POU2F2: variants seen among roughly 807,000 people sequenced by gnomAD.
The protein encoded by POU2F2 is POU class 2 homeobox 2.
A neutral mutation model predicts 63.5 loss-of-function variants in POU2F2; 14 were observed. The observed-to-expected ratio is 0.22, with a 90% confidence interval of 0.15 to 0.34. The LOEUF is 0.34. Ranked by LOEUF, POU2F2 falls within the 10% of genes least tolerant of loss-of-function variation. The probability of loss-of-function intolerance (pLI) is 1.00; values close to 1 mark genes in which losing one functional copy is unlikely to be tolerated. For synonymous variants in POU2F2, 306 were observed against 348.6 expected (o/e 0.88, Z 1.36); for missense variants, 607 against 815.2 (o/e 0.74, Z 3.11).
At chr19:42,191,057 G>A (rs1167636266) in intron 1 of POU2F2, among the ~76,000 whole-genome samples, 1 of 145,714 alleles carries the variant, frequency 6.9e-6, no homozygotes, top group Non-Finnish European at 1.5e-5. Context: ...CTGGGTGACA[G>A]AGCGAGACTC....
rs1424967808 is a variant in POU2F2 at position 42,089,781 on chromosome 19, TTGTTTC to T, written c.*1470_*1475del. 6.6e-6 allele frequency: 1 copy of T among 151,088 alleles called. No homozygotes were observed. The highest frequency in any genetic ancestry group is 1.5e-5 in the Non-Finnish European group (1 of 67,840). The allele number at this position is 151,088 out of a possible 1,614,324, so 9.4% of individuals were successfully genotyped here. On this transcript the variant is annotated 3_prime_UTR_variant, in exon 15 of 15. Coordinates refer to ENST00000692977, the MANE Select transcript of POU2F2 (RefSeq NM_001394376.1). Reference sequence around the variant, plus strand: ...TTTCTAGTTTAAATTTATTGTTTGTTTGTTTCTGTTTTTTTGGTTTTCGGTTCAAAA... The same window carrying T: ...TTTCTAGTTTAAATTTATTGTTTGTTTGTTTTTTTGGTTTTCGGTTCAAAA...
At position 42,087,673 on chromosome 19, in the gene POU2F2, G is replaced by A. The variant is rs1259082488; in HGVS notation, c.*3584C>T. On this transcript the variant is annotated 3_prime_UTR_variant, in exon 15 of 15. Coordinates refer to ENST00000692977, the MANE Select transcript of POU2F2 (RefSeq NM_001394376.1). ...CAGTCTCTGTCCCTCCCTTAAGTAG[G>A]AGGTCAGGGTTGGGGAGAAGAGAAA... 1 of 151,188 alleles carries A rather than the reference G, an allele frequency of 6.6e-6. No homozygotes were observed. The highest frequency in any genetic ancestry group is 2.4e-5 in the African/African-American group (1 of 40,998). The allele number at this position is 151,188 out of a possible 1,614,324, so 9.4% of individuals were successfully genotyped here.
intron 5 of POU2F2, among the ~76,000 whole-genome samples, chr19:42,106,035 C>CTTTCTTTCT (rs1298700721): frequency 7.2e-6 from 1 of 139,276 alleles, no homozygotes; most frequent in Non-Finnish European, 1.6e-5. Context: ...TTCTTTCTTT[C>CTTTCTTTCT]TTTCTTTCTT....
chr19:42,117,485 G>A lies in POU2F2; in HGVS notation c.187-53C>T, dbSNP rs774529384. 8.9e-5 allele frequency: 67 copies of A among 756,862 alleles called. No individual in the cohort carries two copies. Among genetic ancestry groups the A allele is most frequent in the Non-Finnish European group, 1.3e-4 (59 of 454,714 alleles). 46.9% of individuals were successfully genotyped at this position (756,862 alleles called of 1,614,324 possible). A position where few individuals can be genotyped will look rare whatever the true frequency, so the allele number is the denominator to read the frequency against. On this transcript the variant is annotated intron_variant, in intron 4 of 14. Coordinates refer to ENST00000692977, the MANE Select transcript of POU2F2 (RefSeq NM_001394376.1). The surrounding 1 kb of genome is among the most constrained non-coding windows in gnomAD (Gnocchi z 4.4). ...TGGCAATGGCAATCAGGCTGGCACA[G>A]GAGGAGCAGACTGGGGTGTGGACAT...
intron 1 of POU2F2, among the ~76,000 whole-genome samples, chr19:42,129,363 C>G (rs570565079): frequency 6.6e-6 from 1 of 152,148 alleles, no homozygotes; most frequent in Non-Finnish European, 1.5e-5. Flanking sequence ...GTCAGACACC[C>G]CTCAACCAGG....
intron 1 of POU2F2, among the ~76,000 whole-genome samples, chr19:42,189,798 T>C (rs1006667136): frequency 7.9e-5 from 12 of 152,086 alleles, no homozygotes; most frequent in African/African-American, 2.9e-4. Flanking sequence ...GGTGGGATCA[T>C]GGTAGCCTCA....
At chr19:42,182,218 C>A (rs1293550392) in intron 1 of POU2F2, among the ~76,000 whole-genome samples, 1 of 134,548 alleles carries the variant, frequency 7.4e-6, no homozygotes, top group Non-Finnish European at 1.6e-5. Flanking sequence ...CTGCCCTGGG[C>A]GATAGAGCAA....
rs117102895 is a variant in POU2F2 at position 42,096,387 on chromosome 19, C to T, written c.568-144G>A. On this transcript the variant is annotated intron_variant, in intron 7 of 14. Coordinates refer to ENST00000692977, the MANE Select transcript of POU2F2 (RefSeq NM_001394376.1). The surrounding 1 kb of genome is among the most constrained non-coding windows in gnomAD (Gnocchi z 4.1). ...CTCCCCCCGCCTTCCTCCACAAGCACCGTCAATCCCTTTAAAGGTCCCTCC... is the reference window on the plus strand; with the variant it reads ...CTCCCCCCGCCTTCCTCCACAAGCATCGTCAATCCCTTTAAAGGTCCCTCC... 0.01 allele frequency: 8,857 copies of T among 855,230 alleles called. 53 individuals carry two copies. The highest frequency in any genetic ancestry group is 0.012 in the Non-Finnish European group (6,900 of 569,230). The allele number at this position is 855,230 out of a possible 1,614,324, so 53.0% of individuals were successfully genotyped here.
chr19:42,122,747 C>T (rs2032795677), intron 1 of POU2F2, among the ~76,000 whole-genome samples, 171 bp from the exon 2 acceptor site: 1 of 152,182 alleles, frequency 6.6e-6, no homozygotes, highest in African/African-American at 2.4e-5. Context: ...GGGCCTCTGC[C>T]CTCCTCTGGC....
intron 2 of POU2F2, among the ~76,000 whole-genome samples, chr19:42,157,770 T>C (rs2034484037): frequency 6.6e-6 from 1 of 152,094 alleles, no homozygotes; most frequent in African/African-American, 2.4e-5. Flanking sequence ...GAGCCTTAGA[T>C]GGGGAGCTGA....
chr19:42,160,917 AATG>A (rs1471630895), intron 1 of POU2F2, among the ~76,000 whole-genome samples: 2 of 152,218 alleles, frequency 1.3e-5, no homozygotes, highest in Admixed American at 6.5e-5. Context: ...TAAAAGTCAT[AATG>A]ATATTTCTGA....
intron 1 of POU2F2, among the ~76,000 whole-genome samples, chr19:42,193,963 TAGA>T (rs1388214608): frequency 6.6e-6 from 1 of 152,090 alleles, no homozygotes; most frequent in Non-Finnish European, 1.5e-5. Context: ...AAGCAGAATA[TAGA>T]AGAATCTCAC....
chr19:42,185,222 CT>C (rs2035000598), intron 1 of POU2F2, among the ~76,000 whole-genome samples: 1 of 152,052 alleles, frequency 6.6e-6, no homozygotes, highest in South Asian at 2.1e-4. Context: ...AATCCATCTC[CT>C]CCTCTCTTCC....
chr19:42,194,357 G>A lies in POU2F2; in HGVS notation c.-70+2026C>T, dbSNP rs1365409081. On this transcript the variant is annotated intron_variant, in intron 1 of 5. Coordinates refer to the POU2F2 transcript ENST00000532176. Reference sequence around the variant, plus strand: ...TGATCGTGCCACTGCACTCCATTCTGGGTAACAGAGCAAGACCCTGTTGAA... The same window carrying A: ...TGATCGTGCCACTGCACTCCATTCTAGGTAACAGAGCAAGACCCTGTTGAA... 2.0e-5 allele frequency among the ~76,000 whole-genome samples: 3 copies of A among 152,098 alleles called. No homozygotes were observed. The East Asian group carries it at 5.8e-4, about 29-fold the overall frequency.
intron 3 of POU2F2, 31 bp downstream of exon 3, chr19:42,122,313 A>T: frequency 1.4e-6 from 1 of 725,146 alleles, no homozygotes; most frequent in Non-Finnish European, 1.8e-6. Context: ...ATTCCTTCCC[A>T]CCCCCTCCCG....
chr19:42,098,360 C>G (rs1476349113), intron 7 of POU2F2, among the ~76,000 whole-genome samples: 2 of 147,552 alleles, frequency 1.4e-5, no homozygotes, highest in African/African-American at 5.1e-5. Context: ...GTGCAGTGAA[C>G]TGATATTGAG....
chr19:42,124,673 C>T (rs1271326857), intron 1 of POU2F2, among the ~76,000 whole-genome samples: 3 of 152,188 alleles, frequency 2.0e-5, no homozygotes, highest in African/African-American at 4.8e-5. Flanking sequence ...AAGGGGCCGT[C>T]AACAGGTGAA....
chr19:42,175,862 T>G (rs1421532276), intron 1 of POU2F2: 1 of 152,096 alleles, frequency 6.6e-6, no homozygotes, highest in Non-Finnish European at 1.5e-5. Context: ...CGGCTGCTTT[T>G]TCCTATTTCT....
chr19:42,154,579 T>C (rs2034421785), intron 2 of POU2F2, among the ~76,000 whole-genome samples: 1 of 150,760 alleles, frequency 6.6e-6, no homozygotes, highest in Non-Finnish European at 1.5e-5. Flanking sequence ...CAGGGAGAAC[T>C]AGAAAGGGGG....
Sources: gnomAD v4.1 joint callset for allele counts (sites outside exome capture counted in the v4.1 genomes callset) on GRCh38, gnomAD v4.1.1 for gene constraint, Gnocchi (gnomAD v3.1) non-coding constraint, MANE v1.5 for transcripts, NCBI Gene and HGNC (gene_info 2026-07-23, HGNC 2026-07-21) for gene names.